The following NELL2 variants were observed in gnomAD, a reference collection of about 807,000 sequenced individuals.
The protein encoded by NELL2 is protein kinase C-binding protein NELL2.
Under a neutral mutation model 109.6 loss-of-function variants are expected in NELL2, and 41 were observed. That is an observed-to-expected ratio of 0.37 (90% confidence interval 0.29 to 0.49). The LOEUF is 0.49. Ranked by LOEUF, NELL2 falls within the 20% of genes least tolerant of loss-of-function variation. The pLI is 0.98. For missense variants in NELL2, 900 were observed against 1,008.3 expected (o/e 0.89, Z 1.45); for synonymous variants, 355 against 344.7 (o/e 1.03, Z -0.33).
intron 9 of NELL2, among the ~76,000 whole-genome samples, chr12:44,771,443 AT>A (rs1226621043): frequency 1.3e-5 from 2 of 152,220 alleles, no homozygotes; most frequent in Non-Finnish European, 2.9e-5. Context: ...ATGACTTGGA[AT>A]TCTCCTTATT....
chr12:44,797,545 A>G (rs542252345), intron 3 of NELL2, among the ~76,000 whole-genome samples: 11 of 152,128 alleles, frequency 7.2e-5, no homozygotes, highest in African/African-American at 2.4e-4. Context: ...GTTGCAAAAG[A>G]CCTGACAACT....
chr12:44,876,348 G>T, upstream of NELL2: 1 of 1,201,156 alleles, frequency 8.3e-7, no homozygotes. Flanking sequence ...CGGAGAGACT[G>T]CTCCTCCGGG....
At chr12:44,793,998 G>A (rs1037880444) in intron 3 of NELL2, among the ~76,000 whole-genome samples, 3 of 152,088 alleles carry the variant, frequency 2.0e-5, no homozygotes, top group Non-Finnish European at 4.4e-5. Context: ...TTCACTTCAG[G>A]AAATCCACTG....
chr12:44,839,463 A>G (rs887581995), intron 2 of NELL2, among the ~76,000 whole-genome samples: 1 of 152,230 alleles, frequency 6.6e-6, no homozygotes, highest in African/African-American at 2.4e-5. Context: ...CATCCATAAG[A>G]TTTATCTTCA....
At chr12:44,801,954 T>C (rs934270093) in intron 3 of NELL2, among the ~76,000 whole-genome samples, 2 of 146,260 alleles carry the variant, frequency 1.4e-5, no homozygotes, top group African/African-American at 5.0e-5. Context: ...CATCACTTTG[T>C]CATTTTCTTG....
intron 19 of NELL2, among the ~76,000 whole-genome samples, chr12:44,510,911 C>A (rs557730415): frequency 6.6e-6 from 1 of 152,302 alleles, no homozygotes; most frequent in Non-Finnish European, 1.5e-5. Flanking sequence ...GTCACACAAT[C>A]TTTCTTAATT....
At chr12:44,693,342 T>C (rs1948958534) in intron 12 of NELL2, among the ~76,000 whole-genome samples, 1 of 152,188 alleles carries the variant, frequency 6.6e-6, no homozygotes, top group Non-Finnish European at 1.5e-5. Flanking sequence ...CAGTAGAGTG[T>C]AAATATAACT....
At chr12:44,678,160 G>A (rs908848703) in intron 12 of NELL2, among the ~76,000 whole-genome samples, 11 of 149,246 alleles carry the variant, frequency 7.4e-5, no homozygotes, top group African/African-American at 2.2e-4. Context: ...TGCTCAGAGA[G>A]GTAGCAGCAA....
At chr12:44,814,089 C>G (rs2136680441) in intron 3 of NELL2, among the ~76,000 whole-genome samples, 1 of 152,298 alleles carries the variant, frequency 6.6e-6, no homozygotes, top group South Asian at 2.1e-4. Flanking sequence ...CACTGACCAT[C>G]TAGGACTCAC....
chr12:44,610,255 C>CAA (rs1271980690), intron 14 of NELL2, among the ~76,000 whole-genome samples: 3 of 126,442 alleles, frequency 2.4e-5, no homozygotes. Flanking sequence ...AAAAAAAAAA[C>CAA]AAAAAAAAAA....
intron 12 of NELL2, among the ~76,000 whole-genome samples, chr12:44,685,233 C>A (rs1465316074): frequency 6.6e-6 from 1 of 152,044 alleles, no homozygotes; most frequent in Non-Finnish European, 1.5e-5. Context: ...ACTAGGATTG[C>A]AACCCCTGCC....
intron 15 of NELL2, among the ~76,000 whole-genome samples, chr12:44,561,203 A>T (rs1317926182): frequency 2.0e-5 from 3 of 152,216 alleles, no homozygotes; most frequent in African/African-American, 4.8e-5. Flanking sequence ...GCTATTTATG[A>T]CAAACCCACA....
intron 12 of NELL2, among the ~76,000 whole-genome samples, chr12:44,696,362 A>G (rs1361289128): frequency 2.0e-5 from 3 of 152,194 alleles, no homozygotes; most frequent in Non-Finnish European, 2.9e-5. Flanking sequence ...CGCACCTTAT[A>G]CATACCAGAT....
At chr12:44,640,973 A>T (rs562095999) in intron 13 of NELL2, among the ~76,000 whole-genome samples, 1 of 152,312 alleles carries the variant, frequency 6.6e-6, no homozygotes, top group Non-Finnish European at 1.5e-5. Context: ...ACTGCTCCAC[A>T]GATCTCAGAT....
chr12:44,753,787 G>A (rs2136532659), intron 9 of NELL2, among the ~76,000 whole-genome samples: 1 of 152,314 alleles, frequency 6.6e-6, no homozygotes, highest in South Asian at 2.1e-4. Flanking sequence ...CTTGCAGCCA[G>A]TTTTCTATTG....
At chr12:44,913,710 G>T in intron 1 of NELL2, 1 of 513,260 alleles carries the variant, frequency 1.9e-6, no homozygotes, top group South Asian at 2.1e-5. Context: ...ACAGCTGTTT[G>T]AAAATTCAGG....
At chr12:44,772,314 T>C (rs4768072) in intron 9 of NELL2, among the ~76,000 whole-genome samples, 35,006 of 152,040 alleles carry the variant, frequency 0.23, 4,266 homozygotes, top group South Asian at 0.28. Flanking sequence ...ATCATAGACA[T>C]GTGTAACTAT....
At chr12:44,521,834 G>T (rs963788544) in intron 18 of NELL2, 166 bp downstream of exon 18, 1 of 618,774 alleles carries the variant, frequency 1.6e-6, no homozygotes, top group Non-Finnish European at 2.8e-6. Context: ...TCCTTCTTGG[G>T]TTGTGATCGT....
At chr12:44,849,469 C>T (rs551656130) in intron 2 of NELL2, among the ~76,000 whole-genome samples, 1 of 152,266 alleles carries the variant, frequency 6.6e-6, no homozygotes, top group Admixed American at 6.5e-5. Context: ...TGAAATATCT[C>T]TTCATACCCA....
Sources: allele counts gnomAD v4.1 joint callset (sites outside exome capture counted in the v4.1 genomes callset), GRCh38; gene constraint gnomAD v4.1.1; transcripts MANE v1.5; gene names NCBI Gene and HGNC (gene_info 2026-07-23, HGNC 2026-07-21).